Variants in ABTB3 observed in about 807,000 individuals in gnomAD.
ABTB3 encodes the protein ankyrin repeat- and BTB/POZ domain-containing protein 3.
chr12:107,595,560 A>G, the ABTB3 span, among the ~76,000 whole-genome samples: 4 of 152,206 alleles, frequency 2.6e-5, no homozygotes, highest in African/African-American at 4.8e-5. Context: ...AGTACCTGGC[A>G]TCTAATAGTT....
the ABTB3 span, among the ~76,000 whole-genome samples, chr12:107,386,596 CT>C: frequency 6.6e-6 from 1 of 152,134 alleles, no homozygotes. Flanking sequence ...TTTTGGGTGA[CT>C]TTTCTAGAGT....
the ABTB3 span, among the ~76,000 whole-genome samples, chr12:107,463,222 G>A: frequency 0.081 from 12,298 of 151,522 alleles, 550 homozygotes; most frequent in South Asian, 0.14. Context: ...TGGTGGTGGT[G>A]GTAGTGATGA....
At chr12:107,406,228 AC>A in the ABTB3 span, among the ~76,000 whole-genome samples, 1 of 152,150 alleles carries the variant, frequency 6.6e-6, no homozygotes, top group Non-Finnish European at 1.5e-5. Flanking sequence ...CACCAGAAGC[AC>A]CCCATAAATG....
At chr12:107,328,497 G>C in the ABTB3 span, among the ~76,000 whole-genome samples, 1 of 152,200 alleles carries the variant, frequency 6.6e-6, no homozygotes, top group Non-Finnish European at 1.5e-5. Flanking sequence ...GGTGCTCCAG[G>C]AAAATTGTAT....
At chr12:107,435,225 G>A in the ABTB3 span, among the ~76,000 whole-genome samples, 9 of 152,282 alleles carry the variant, frequency 5.9e-5, no homozygotes, top group Middle Eastern at 3.4e-3. Flanking sequence ...GAATCAGTGC[G>A]TACCCACCAT....
chr12:107,569,633 A>G, the ABTB3 span, among the ~76,000 whole-genome samples: 6 of 152,354 alleles, frequency 3.9e-5, no homozygotes, highest in South Asian at 1.2e-3. Flanking sequence ...TTTTGTAAGC[A>G]GAAAGAAACA....
chr12:107,439,537 C>G, the ABTB3 span, among the ~76,000 whole-genome samples: 1 of 152,160 alleles, frequency 6.6e-6, no homozygotes, highest in African/African-American at 2.4e-5. Context: ...GCTGAGGCTC[C>G]ACCTAATGAC....
the ABTB3 span, among the ~76,000 whole-genome samples, chr12:107,648,771 G>T: frequency 6.6e-6 from 1 of 152,100 alleles, no homozygotes; most frequent in African/African-American, 2.4e-5. Flanking sequence ...GGCCATGTTC[G>T]CAGGGGAACA....
At chr12:107,591,827 G>C in the ABTB3 span, among the ~76,000 whole-genome samples, 2 of 152,124 alleles carry the variant, frequency 1.3e-5, no homozygotes, top group African/African-American at 2.4e-5. Flanking sequence ...CCCTACAAGG[G>C]GCTTCCTTTT....
chr12:107,544,507 GC>G, the ABTB3 span, among the ~76,000 whole-genome samples: 1 of 152,112 alleles, frequency 6.6e-6, no homozygotes, highest in Non-Finnish European at 1.5e-5. Flanking sequence ...CTGCCCCAGG[GC>G]CCGGGATAAC....
the ABTB3 span, among the ~76,000 whole-genome samples, chr12:107,470,894 T>C: frequency 6.6e-6 from 1 of 151,980 alleles, no homozygotes; most frequent in African/African-American, 2.4e-5. Context: ...AGAAATGAGA[T>C]CTTGGGCCAA....
the ABTB3 span, among the ~76,000 whole-genome samples, chr12:107,463,293 G>C: frequency 6.6e-6 from 1 of 151,802 alleles, no homozygotes; most frequent in Non-Finnish European, 1.5e-5. Context: ...TGATGATGAT[G>C]GTGGTGGTGG....
the ABTB3 span, among the ~76,000 whole-genome samples, chr12:107,433,955 A>T: frequency 6.6e-6 from 1 of 152,140 alleles, no homozygotes. Context: ...TGGAAGAGCT[A>T]AAGAGCTCTC....
chr12:107,387,468 C>G, the ABTB3 span, among the ~76,000 whole-genome samples: 3 of 152,166 alleles, frequency 2.0e-5, no homozygotes, highest in African/African-American at 7.2e-5. Flanking sequence ...GAGGGCTCAG[C>G]AGTGGCAATC....
chr12:107,655,674 CG>C, the ABTB3 span, among the ~76,000 whole-genome samples: 507 of 152,334 alleles, frequency 3.3e-3, 4 homozygotes, highest in African/African-American at 0.011. Flanking sequence ...TACATCTAAC[CG>C]TTTGAGACAG....
chr12:107,635,332 C>T, the ABTB3 span: 93 of 1,613,914 alleles, frequency 5.8e-5, no homozygotes, highest in Middle Eastern at 4.9e-4. Context: ...CACACTGCTA[C>T]GGGCCCTACC....
chr12:107,645,711 T>C, the ABTB3 span, among the ~76,000 whole-genome samples: 2 of 152,178 alleles, frequency 1.3e-5, no homozygotes, highest in Non-Finnish European at 2.9e-5. Context: ...ACTTGGCTCG[T>C]AGTAGGCGCT....
the ABTB3 span, among the ~76,000 whole-genome samples, chr12:107,437,048 AG>A: frequency 6.6e-6 from 1 of 152,052 alleles, no homozygotes; most frequent in Non-Finnish European, 1.5e-5. Context: ...TTGAACTCCT[AG>A]GGGCCCATGG....
At chr12:107,506,695 AT>A in the ABTB3 span, among the ~76,000 whole-genome samples, 1 of 152,194 alleles carries the variant, frequency 6.6e-6, no homozygotes, top group Non-Finnish European at 1.5e-5. Context: ...TTGTGGGATT[AT>A]TTGATGTGTG....
Sources: gnomAD v4.1 joint callset for allele counts (sites outside exome capture counted in the v4.1 genomes callset) on GRCh38, gnomAD v4.1.1 for gene constraint, MANE v1.5 for transcripts, NCBI Gene and HGNC (gene_info 2026-07-23, HGNC 2026-07-21) for gene names.